Variants in MLXIPL observed in about 807,000 individuals in gnomAD.
MLXIPL encodes the protein carbohydrate-responsive element-binding protein.
Under a neutral mutation model 81.5 loss-of-function variants are expected in MLXIPL, and 49 were observed. The observed-to-expected ratio is 0.60, with a 90% confidence interval of 0.48 to 0.76. The LOEUF (loss-of-function observed/expected upper bound fraction) is 0.76. Among genes scored for constraint, MLXIPL ranks in the 30% least tolerant of loss-of-function variants. The pLI is 0.00. For missense variants in MLXIPL, 1,053 were observed against 1,167.0 expected (o/e 0.90, Z 1.42); for synonymous variants, 466 against 485.5 (o/e 0.96, Z 0.53).
chr7:73,620,390 C>T (rs567435547), intron 1 of MLXIPL, among the ~76,000 whole-genome samples: 2 of 151,366 alleles, frequency 1.3e-5, no homozygotes, highest in African/African-American at 2.4e-5. Context: ...AGTGTCACAG[C>T]GAGACTCTGT....
the MLXIPL span, among the ~76,000 whole-genome samples, chr7:73,633,347 GTT>G: frequency 1.1e-3 from 146 of 138,640 alleles, no homozygotes; most frequent in African/African-American, 3.3e-3. Flanking sequence ...CTCCCAAAGT[GTT>G]TTTTTTTTTT....
chr7:73,616,008 T>G, intron 2 of MLXIPL, 63 bp downstream of exon 2: 3 of 1,363,244 alleles, frequency 2.2e-6, no homozygotes, highest in Non-Finnish European at 3.1e-6. Context: ...TGTAGAACCC[T>G]CTGGCAGGAG....
the MLXIPL span, among the ~76,000 whole-genome samples, chr7:73,647,143 G>C: frequency 6.6e-6 from 1 of 152,104 alleles, no homozygotes; most frequent in Non-Finnish European, 1.5e-5. Flanking sequence ...CAGAGGTGGG[G>C]GCAGGGTGGC....
rs868934612 is a variant in MLXIPL, at chr7:73,607,745, A to C, written c.401-73T>G. 42 of 1,339,934 alleles carry C rather than the reference A, an allele frequency of 3.1e-5. 1 individual carries two copies. In the South Asian group the frequency reaches 4.2e-4, roughly 13 times the overall value. The allele number at this position is 1,339,934 out of a possible 1,614,324, so 83.0% of individuals were successfully genotyped here. A position where few individuals can be genotyped will look rare whatever the true frequency, so the allele number is the denominator to read the frequency against. On this transcript the variant is annotated intron_variant, in intron 2 of 16. Transcript: ENST00000313375. Reference sequence around the variant, plus strand: ...ACCTCACCCCAGGGGACTGGGACTCAAGTGACACCCTGCGAAATCCTGCTT... The same window carrying C: ...ACCTCACCCCAGGGGACTGGGACTCCAGTGACACCCTGCGAAATCCTGCTT...
At chr7:73,641,967 G>A in the MLXIPL span, among the ~76,000 whole-genome samples, 3 of 151,984 alleles carry the variant, frequency 2.0e-5, no homozygotes, top group African/African-American at 7.2e-5. Flanking sequence ...GTTAGCATCC[G>A]ATTTCACAAG....
chr7:73,620,779 G>A (rs1270710115), intron 1 of MLXIPL, among the ~76,000 whole-genome samples: 3 of 146,596 alleles, frequency 2.0e-5, no homozygotes, highest in South Asian at 2.2e-4. Flanking sequence ...GGCAGGACAC[G>A]ATGGCTCATA....
At chr7:73,641,075 G>A in the MLXIPL span, among the ~76,000 whole-genome samples, 2 of 152,004 alleles carry the variant, frequency 1.3e-5, no homozygotes, top group African/African-American at 2.4e-5. Context: ...GCCGAGGCAG[G>A]AGGATCACTT....
rs1794262169 is a variant in MLXIPL at position 73,596,037 on chromosome 7, G to A, written c.2059-68C>T. On this transcript the variant is annotated intron_variant, in intron 13 of 16. Transcript: ENST00000313375. This position sits in a 1 kb window ranked among gnomAD's most constrained non-coding sequence, Gnocchi z 4.7. ...GTACCCTGGGACCCACTGAGGCACT[G>A]GGATGGGAGGAGGCAAGAGTGTCTG... 1 of 1,604,714 alleles carries A rather than the reference G, an allele frequency of 6.2e-7. No individual in the cohort carries two copies. Among genetic ancestry groups the A allele is most frequent in the Admixed American group, 1.7e-5 (1 of 59,520 alleles).
chr7:73,619,302 A>G (rs890102522), intron 1 of MLXIPL, among the ~76,000 whole-genome samples: 1 of 151,926 alleles, frequency 6.6e-6, no homozygotes, highest in Admixed American at 6.6e-5. Context: ...CTCTACTAAA[A>G]ATACAAAAAT....
the MLXIPL span, among the ~76,000 whole-genome samples, chr7:73,635,850 C>G: frequency 6.6e-6 from 1 of 152,206 alleles, no homozygotes; most frequent in Non-Finnish European, 1.5e-5. Context: ...AAATACCCAC[C>G]CATCTGCCCA....
At chr7:73,606,405 T>A in intron 5 of MLXIPL, 1 of 501,372 alleles carries the variant, frequency 2.0e-6, no homozygotes, top group Non-Finnish European at 3.5e-6. Context: ...GTTTTTTTTT[T>A]TGTTTGTTTT....
At chr7:73,634,990 T>C in the MLXIPL span, among the ~76,000 whole-genome samples, 1 of 150,704 alleles carries the variant, frequency 6.6e-6, no homozygotes, top group Non-Finnish European at 1.5e-5. Flanking sequence ...TATTTTTTTT[T>C]TTTTTTTGTA....
At chr7:73,594,245 T>C in intron 16 of MLXIPL, 29 bp downstream of exon 16, 1 of 1,610,452 alleles carries the variant, frequency 6.2e-7, no homozygotes, top group Admixed American at 1.7e-5. Context: ...GCTGGGTCCC[T>C]CTAGCAGGCA....
At chr7:73,646,283 A>G in the MLXIPL span, among the ~76,000 whole-genome samples, 2 of 152,110 alleles carry the variant, frequency 1.3e-5, no homozygotes. Context: ...CCTCGGAGAC[A>G]TGACCTCTCC....
rs569304409 is a variant in MLXIPL at position 73,607,323 on chromosome 7, C to G, written c.573+8G>C. The G allele has an allele frequency of 4.8e-4, 747 of 1,560,320 alleles. 4 individuals are homozygous for G. Among genetic ancestry groups the G allele is most frequent in the South Asian group, 4.4e-3 (372 of 84,728 alleles). On this transcript the variant is annotated splice_region_variant and intron_variant, in intron 4 of 16. Coordinates refer to ENST00000313375, the MANE Select transcript of MLXIPL (RefSeq NM_032951.3). Reference sequence around the variant, plus strand: ...GCTCTGGGGCCTCCCTGGCCCTCCCCCACTGACCCGCTTCTTGTAGTAGAT... The same window carrying G: ...GCTCTGGGGCCTCCCTGGCCCTCCCGCACTGACCCGCTTCTTGTAGTAGAT...
Position 73,606,093 on chromosome 7 carries a change from G to C in MLXIPL, c.637C>G (p.Pro213Ala). 6.3e-7 allele frequency: 1 copy of C among 1,580,388 alleles called. No homozygotes were observed. The highest frequency in any genetic ancestry group is 8.6e-7 in the Non-Finnish European group (1 of 1,163,396). The change falls in exon 6 of 17, where the codon CCG (proline) becomes GCG (alanine). Residue 213 changes from proline (P) to alanine (A), a missense_variant. Transcript: ENST00000313375. ...AGCTGTTTGCACCATTGCTCCGGCG[G>C]CGGCCACCTGCCTTCCGCCTAGGGA... ...APKQAEGRWP[P>A]PEQWCKQLFS...
chr7:73,598,745 C>T (rs544127990), intron 8 of MLXIPL, among the ~76,000 whole-genome samples: 1 of 152,058 alleles, frequency 6.6e-6, no homozygotes, highest in Non-Finnish European at 1.5e-5. Flanking sequence ...CACCCCTCAG[C>T]AACCGATTAG....
At chr7:73,615,354 C>T (rs1795946206) in intron 2 of MLXIPL, among the ~76,000 whole-genome samples, 1 of 152,176 alleles carries the variant, frequency 6.6e-6, no homozygotes, top group Non-Finnish European at 1.5e-5. Context: ...TCCTCAGTTT[C>T]TCCATTTACA....
rs372339283 is a variant in MLXIPL, at chr7:73,606,094, C to T, written c.636G>A (p.Pro212=). The change falls in exon 6 of 17, where the codon CCG becomes CCA. Residue 212 remains proline (P), a synonymous_variant. Coordinates refer to ENST00000313375, the MANE Select transcript of MLXIPL (RefSeq NM_032951.3). Reference sequence around the variant, plus strand: ...GCTGTTTGCACCATTGCTCCGGCGGCGGCCACCTGCCTTCCGCCTAGGGAG... The same window carrying T: ...GCTGTTTGCACCATTGCTCCGGCGGTGGCCACCTGCCTTCCGCCTAGGGAG... ...LAPKQAEGRW[P]PPEQWCKQLF... is the part of the protein sequence containing the mutation. The T allele has an allele frequency of 1.8e-5, 28 of 1,580,092 alleles. No homozygotes were observed. In the East Asian group the frequency reaches 4.1e-4, roughly 23 times the overall value.
Sources: gnomAD v4.1 joint callset for allele counts (sites outside exome capture counted in the v4.1 genomes callset) on GRCh38, gnomAD v4.1.1 for gene constraint, Gnocchi (gnomAD v3.1) non-coding constraint, MANE v1.5 for transcripts, NCBI Gene and HGNC (gene_info 2026-07-23, HGNC 2026-07-21) for gene names.